Variants in RPP30 observed in about 807,000 individuals in gnomAD.
RPP30 encodes ribonuclease P protein subunit p30.
In RPP30, 36 loss-of-function variants were observed where a neutral mutation model predicts 38.6. The ratio of observed to expected loss-of-function variants is 0.93; its 90% CI spans 0.71 to 1.23. RPP30 has a LOEUF of 1.23. RPP30 is among the 50% of genes most tolerant of loss of function. The pLI is 0.00. For synonymous variants in RPP30, 126 were observed against 112.7 expected (o/e 1.12, Z -0.75); for missense variants, 321 against 321.7 (o/e 1.00, Z 0.02).
At chr10:90,891,105 T>G (rs571515198) in intron 6 of RPP30, among the ~76,000 whole-genome samples, 1 of 152,378 alleles carries the variant, frequency 6.6e-6, no homozygotes, top group Admixed American at 6.5e-5. Flanking sequence ...ATACGTTTAC[T>G]GATTTAAACA....
At chr10:90,887,696 T>C (rs1163346569) in intron 6 of RPP30, among the ~76,000 whole-genome samples, 1 of 152,200 alleles carries the variant, frequency 6.6e-6, no homozygotes, top group Non-Finnish European at 1.5e-5. Context: ...AGGGTAAATA[T>C]TGACAGTACT....
chr10:90,890,512 T>C (rs557950729), intron 6 of RPP30, among the ~76,000 whole-genome samples: 205 of 152,322 alleles, frequency 1.3e-3, no homozygotes, highest in African/African-American at 4.6e-3. Flanking sequence ...GAGAGATGTT[T>C]AGTAAGTAGT....
intron 5 of RPP30, among the ~76,000 whole-genome samples, chr10:90,885,105 A>G (rs1846981088): frequency 6.6e-6 from 1 of 151,994 alleles, no homozygotes; most frequent in Non-Finnish European, 1.5e-5. Context: ...TTTATCTTGT[A>G]TGTGGTTTTC....
Position 90,872,059 on chromosome 10 carries a change from G to T in RPP30, c.73G>T (p.Ala25Ser). The T allele has an allele frequency of 6.2e-7, 1 of 1,614,106 alleles. No individual in the cohort carries two copies. ...LKALRGLVET[A>S]AHLGYSVVAI... is the part of the protein sequence containing the mutation. ...GGCTCTGCGCGGACTTGTGGAGACA[G>T]CCGCTCACCGTGAGTTGCCCCGGCT... The change falls in exon 1 of 11, where the codon GCC becomes TCC. Residue 25 changes from alanine (A) to serine (S), a missense_variant. Transcript: ENST00000371703.
chr10:90,892,992 C>T (rs1455254984), intron 6 of RPP30, among the ~76,000 whole-genome samples: 1 of 152,184 alleles, frequency 6.6e-6, no homozygotes, highest in Non-Finnish European at 1.5e-5. Flanking sequence ...ACACGTTCAA[C>T]TAGGACAGAA....
chr10:90,873,275 C>T (rs1368595057), intron 1 of RPP30, among the ~76,000 whole-genome samples: 1 of 152,098 alleles, frequency 6.6e-6, no homozygotes, highest in Non-Finnish European at 1.5e-5. Flanking sequence ...AGAATTTCCC[C>T]CAGTTTAAAA....
At position 90,872,029 on chromosome 10, in the gene RPP30, C is replaced by T. The variant is rs151063896; in HGVS notation, c.43C>T (p.Leu15=). Residue 15 remains leucine, a synonymous_variant, in exon 1 of 11, where the codon CTG becomes TTG. Transcript: ENST00000371703. The part of the protein sequence containing the change: ...ADLDLRAGSD[L]KALRGLVETA... ...TTTGGACCTGCGAGCGGGTTCTGACCTGAAGGCTCTGCGCGGACTTGTGGA... is the reference window on the plus strand; with the variant it reads ...TTTGGACCTGCGAGCGGGTTCTGACTTGAAGGCTCTGCGCGGACTTGTGGA... The T allele has an allele frequency of 3.7e-5, 59 of 1,614,068 alleles. No individual in the cohort carries two copies. In the African/African-American group the frequency reaches 4.0e-4, roughly 11 times the overall value.
intron 6 of RPP30, among the ~76,000 whole-genome samples, chr10:90,889,002 G>T (rs933428728): frequency 6.6e-6 from 1 of 152,152 alleles, no homozygotes; most frequent in Non-Finnish European, 1.5e-5. Context: ...TGGTCAGGAA[G>T]CAGAAGAGTC....
In RPP30 at chr10:90,871,977, G is replaced by C; in HGVS notation, c.-10G>C. On this transcript the variant is annotated 5_prime_UTR_variant, in exon 1 of 11. Transcript: ENST00000371703. ...AGACTGGCGCGCGCGGACGGTCATG[G>C]GACTTCAGCATGGCGGTGTTTGCAG... is the stretch of plus-strand genomic sequence containing the variant. The C allele has an allele frequency of 6.2e-7, 1 of 1,613,606 alleles. No homozygotes were observed. Among genetic ancestry groups the C allele is most frequent in the Non-Finnish European group, 8.5e-7 (1 of 1,179,600 alleles).
At chr10:90,877,957 C>T (rs368213368) in intron 4 of RPP30, among the ~76,000 whole-genome samples, 1 of 152,244 alleles carries the variant, frequency 6.6e-6, no homozygotes, top group East Asian at 1.9e-4. Flanking sequence ...GGAAAGACTC[C>T]CTTTATAACA....
intron 6 of RPP30, among the ~76,000 whole-genome samples, chr10:90,886,765 A>G (rs10881843): frequency 0.26 from 39,600 of 152,094 alleles, 5,905 homozygotes; most frequent in African/African-American, 0.42. Context: ...TACATATCCA[A>G]TCCTGTCAGA....
chr10:90,907,988 A>G (rs887194883), downstream of RPP30, among the ~76,000 whole-genome samples: 1 of 152,232 alleles, frequency 6.6e-6, no homozygotes, highest in African/African-American at 2.4e-5. Context: ...TGAGCAATAC[A>G]GCCTATTGCT....
chr10:90,881,239 C>T (rs941857448), intron 5 of RPP30, among the ~76,000 whole-genome samples: 2 of 152,022 alleles, frequency 1.3e-5, no homozygotes, highest in Non-Finnish European at 2.9e-5. Flanking sequence ...ACGACAATCC[C>T]GTAGGATAAT....
chr10:90,880,759 G>A (rs887867366), intron 5 of RPP30, among the ~76,000 whole-genome samples: 11 of 152,100 alleles, frequency 7.2e-5, no homozygotes, highest in South Asian at 2.1e-4. Flanking sequence ...ATATTCTCAA[G>A]AATTTTGTTT....
At chr10:90,903,634 T>C (rs1847226363), downstream of RPP30, among the ~76,000 whole-genome samples, 1 of 152,220 alleles carries the variant, frequency 6.6e-6, no homozygotes, top group African/African-American at 2.4e-5. Context: ...CACCAGTGAA[T>C]AGCAGAGGCA....
At chr10:90,889,810 G>T (rs1202766641) in intron 6 of RPP30, among the ~76,000 whole-genome samples, 1 of 152,048 alleles carries the variant, frequency 6.6e-6, no homozygotes, top group African/African-American at 2.4e-5. Context: ...CATCTTCACT[G>T]TATGCTTAGG....
chr10:90,902,308 CTT>C (rs1307170416), downstream of RPP30: 4 of 405,572 alleles, frequency 9.9e-6, no homozygotes, highest in South Asian at 7.6e-5. Context: ...ACCTTTGCCT[CTT>C]GGGCTCAAGC....
At chr10:90,900,491 C>T (rs1847187292) in intron 10 of RPP30, 79 bp from the exon 11 acceptor site, 2 of 1,406,232 alleles carry the variant, frequency 1.4e-6, no homozygotes. Flanking sequence ...TTGCTGTAAG[C>T]CAAAGTAATA....
chr10:90,903,606 T>C (rs1404441380), downstream of RPP30, among the ~76,000 whole-genome samples: 1 of 152,208 alleles, frequency 6.6e-6, no homozygotes, highest in Non-Finnish European at 1.5e-5. Context: ...TTCATGATAG[T>C]AGGGCATGAT....
Sources: allele counts gnomAD v4.1 joint callset (sites outside exome capture counted in the v4.1 genomes callset), GRCh38; gene constraint gnomAD v4.1.1; transcripts MANE v1.5; gene names NCBI Gene and HGNC (gene_info 2026-07-23, HGNC 2026-07-21).